PUS7: variants seen among roughly 807,000 people sequenced by gnomAD.
The protein encoded by PUS7 is pseudouridine synthase 7.
In PUS7, 48 loss-of-function variants were observed where a neutral mutation model predicts 79.8. The observed-to-expected ratio is 0.60, with a 90% CI of 0.48 to 0.76. The LOEUF is 0.76. Ranked by LOEUF, PUS7 falls within the 30% of genes least tolerant of loss-of-function variation. The pLI, the probability that PUS7 is intolerant of heterozygous loss-of-function variation, is 0.00. For missense variants in PUS7, 729 were observed against 797.6 expected (o/e 0.91, Z 1.04); for synonymous variants, 286 against 272.2 (o/e 1.05, Z -0.50).
At chr7:105,488,772 T>C (rs1824656319) in intron 7 of PUS7, among the ~76,000 whole-genome samples, 1 of 152,182 alleles carries the variant, frequency 6.6e-6, no homozygotes, top group Non-Finnish European at 1.5e-5. Flanking sequence ...TCAAAAAATA[T>C]ATACCATGTT....
At chr7:105,475,712 T>C (rs1824080739) in intron 9 of PUS7, among the ~76,000 whole-genome samples, 1 of 152,182 alleles carries the variant, frequency 6.6e-6, no homozygotes, top group Non-Finnish European at 1.5e-5. Flanking sequence ...ATTTACCTTT[T>C]TGGCTATTTT....
intron 15 of PUS7, among the ~76,000 whole-genome samples, chr7:105,458,722 C>T (rs1823292808): frequency 6.6e-6 from 1 of 151,808 alleles, no homozygotes; most frequent in African/African-American, 2.4e-5. Flanking sequence ...TACAGGAACC[C>T]GCCACCACAC....
chr7:105,457,678 T>C lies in PUS7; in HGVS notation c.*112A>G. On this transcript the variant is annotated 3_prime_UTR_variant, in exon 16 of 16. Coordinates refer to ENST00000469408, the MANE Select transcript of PUS7 (RefSeq NM_019042.5). ...TAAAAACTTAAAAATACAAATAATT[T>C]TTATTACAAAGATTTGAAATCCATA... The C allele has an allele frequency of 9.3e-7, 1 of 1,074,360 alleles. No homozygotes were observed. Among genetic ancestry groups the C allele is most frequent in the South Asian group, 2.3e-5 (1 of 42,768 alleles). 66.6% of individuals were successfully genotyped at this position (1,074,360 alleles called of 1,614,324 possible).
chr7:105,504,760 C>A (rs1004145198), intron 4 of PUS7, among the ~76,000 whole-genome samples: 3 of 152,128 alleles, frequency 2.0e-5, no homozygotes, highest in African/African-American at 2.4e-5. Context: ...AGAAATCTGC[C>A]AGGAATTTTC....
Position 105,457,889 on chromosome 7 carries a change from T to G in PUS7, c.1887A>C (p.Leu629=). The G allele has an allele frequency of 6.2e-7, 1 of 1,613,506 alleles. No individual in the cohort carries two copies. Reference sequence around the variant, plus strand: ...CCATGGTGGCGTAAGTAGAAGGGGGTAGAGAAAAATCCATTTTCAGAGCCC... The same window carrying G: ...CCATGGTGGCGTAAGTAGAAGGGGGGAGAGAAAAATCCATTTTCAGAGCCC... ...KYRALKMDFS[L]PPSTYATMAI... The change falls in exon 16 of 16, where the codon CTA becomes CTC. Residue 629 remains leucine (L), a synonymous_variant. Coordinates refer to ENST00000469408, the MANE Select transcript of PUS7 (RefSeq NM_019042.5).
intron 9 of PUS7, among the ~76,000 whole-genome samples, chr7:105,475,273 C>T (rs927542757): frequency 2.6e-5 from 4 of 152,130 alleles, no homozygotes; most frequent in African/African-American, 9.7e-5. Flanking sequence ...GCAAGCTCCG[C>T]CTCCCGGGTT....
At chr7:105,508,679 A>C in intron 1 of PUS7, 135 bp from the exon 2 acceptor site, 1 of 1,173,494 alleles carries the variant, frequency 8.5e-7, no homozygotes, top group Non-Finnish European at 1.2e-6. Flanking sequence ...CAGGAGTTCA[A>C]GACCAGCCTG....
rs1010062216 is a variant in PUS7, at chr7:105,522,228, C to G, written c.-209G>C. ...GCGCTCCAGCCGACTCACCGGCGGC[C>G]GGGCTCGCACACGTGCGGCGCAGCG... On this transcript the variant is annotated 5_prime_UTR_variant, in exon 1 of 16. Transcript: ENST00000469408. 11 of 151,872 alleles carry G rather than the reference C, an allele frequency of 7.2e-5. No individual in the cohort carries two copies. In the South Asian group the frequency reaches 8.3e-4, roughly 11 times the overall value. The allele number at this position is 151,872 out of a possible 1,614,324, so 9.4% of individuals were successfully genotyped here. A position where few individuals can be genotyped will look rare whatever the true frequency, so the allele number is the denominator to read the frequency against.
At chr7:105,502,341 C>T (rs576284655) in intron 5 of PUS7, 79 bp downstream of exon 5, 21 of 1,540,730 alleles carry the variant, frequency 1.4e-5, no homozygotes, top group South Asian at 8.1e-5. Context: ...CCCTTGAACA[C>T]GAACGGGCAA....
At position 105,501,940 on chromosome 7, in the gene PUS7, G is replaced by T. The variant is rs374375620; in HGVS notation, c.730+480C>A. ...ACTGCACTCCAGCCTGGGCGACAGG[G>T]CGAGACTCCGTCTCAAAAAAAAAAA... On this transcript the variant is annotated intron_variant, in intron 5 of 15. Transcript: ENST00000469408. 3.8e-3 allele frequency among the ~76,000 whole-genome samples: 459 copies of T among 121,638 alleles called. 3 individuals are homozygous for T. Among genetic ancestry groups the T allele is most frequent in the African/African-American group, 0.014 (439 of 31,376 alleles). The allele number at this position is 121,638 out of a possible 152,430, so 79.8% of individuals were successfully genotyped here.
intron 7 of PUS7, among the ~76,000 whole-genome samples, chr7:105,486,138 G>A (rs1824539909): frequency 6.6e-6 from 1 of 151,240 alleles, no homozygotes; most frequent in South Asian, 2.1e-4. Flanking sequence ...TGCAACCTCT[G>A]CCTCTTGGGT....
At chr7:105,505,611 A>G (rs1303477653) in intron 4 of PUS7, among the ~76,000 whole-genome samples, 1 of 152,102 alleles carries the variant, frequency 6.6e-6, no homozygotes, top group African/African-American at 2.4e-5. Context: ...TTTTTCAGAG[A>G]TGATGTCTCA....
At chr7:105,486,958 G>A (rs1304809073) in intron 7 of PUS7, among the ~76,000 whole-genome samples, 2 of 152,072 alleles carry the variant, frequency 1.3e-5, no homozygotes, top group Non-Finnish European at 2.9e-5. Flanking sequence ...TACTCGGGAG[G>A]CTAAGGCAGG....
At chr7:105,494,243 G>T (rs538239666) in intron 6 of PUS7, among the ~76,000 whole-genome samples, 1 of 152,210 alleles carries the variant, frequency 6.6e-6, no homozygotes, top group South Asian at 2.1e-4. Context: ...AGCTGCATGC[G>T]AATCATTTAC....
At chr7:105,471,230 C>T (rs1823861756) in intron 10 of PUS7, among the ~76,000 whole-genome samples, 1 of 152,110 alleles carries the variant, frequency 6.6e-6, no homozygotes, top group Non-Finnish European at 1.5e-5. Flanking sequence ...ATGAATTACC[C>T]AAAGTGAGCA....
intron 10 of PUS7, among the ~76,000 whole-genome samples, 165 bp downstream of exon 10, chr7:105,471,967 T>C (rs1033115268): frequency 1.1e-4 from 17 of 149,300 alleles, no homozygotes; most frequent in African/African-American, 3.9e-4. Flanking sequence ...TAAATATACA[T>C]ATACAACTGT....
At position 105,462,714 on chromosome 7, in the gene PUS7, T is replaced by C. The variant is rs779162915; in HGVS notation, c.1664A>G (p.Asn555Ser). The change falls in exon 14 of 16, where the codon AAT (asparagine) becomes AGT (serine). Residue 555 changes from asparagine to serine, a missense_variant. By Grantham distance (46) the Asn-to-Ser change is conservative. Transcript: ENST00000469408. ...GTGTCTCATGTTGTCAATATCAAGA[T>C]TGTCAGCTGTGAGCATTTCCCTGTA... is the stretch of plus-strand genomic sequence containing the variant. ...EAYREMLTAD[N>S]LDIDNMRHKI... The C allele has an allele frequency of 3.1e-6, 5 of 1,613,584 alleles. No homozygotes were observed. Among genetic ancestry groups the C allele is most frequent in the Non-Finnish European group, 4.2e-6 (5 of 1,179,914 alleles).
rs59250853 is a variant in PUS7 at position 105,496,616 on chromosome 7, G to A, written c.731-1363C>T. On this transcript the variant is annotated intron_variant, in intron 5 of 15. Transcript: ENST00000469408. ...GATACCTGGCTTTGTCAAGGCAAAA[G>A]CACTGTTTGGTAAGTTAGTGATAAG... is the stretch of plus-strand genomic sequence containing the variant. 2.1e-3 allele frequency among the ~76,000 whole-genome samples: 316 copies of A among 152,276 alleles called. 2 individuals are homozygous for A. The highest frequency in any genetic ancestry group is 7.2e-3 in the African/African-American group (301 of 41,564).
intron 7 of PUS7, among the ~76,000 whole-genome samples, chr7:105,489,073 A>G (rs895725201): frequency 4.8e-5 from 7 of 145,198 alleles, no homozygotes; most frequent in African/African-American, 1.6e-4. Flanking sequence ...GCGTGAACCC[A>G]GGAGGCGGAG....
Sources: allele counts gnomAD v4.1 joint callset (sites outside exome capture counted in the v4.1 genomes callset), GRCh38; gene constraint gnomAD v4.1.1; transcripts MANE v1.5; gene names NCBI Gene and HGNC (gene_info 2026-07-23, HGNC 2026-07-21).